The following SLC35F1 variants were observed in gnomAD, a reference collection of about 807,000 sequenced individuals.
SLC35F1 encodes the protein solute carrier family 35 member F1, also known as chromosome 6 open reading frame 169.
Under a neutral mutation model 48.7 loss-of-function variants are expected in SLC35F1, and 14 were observed. The ratio of observed to expected loss-of-function variants is 0.29; its 90% CI spans 0.19 to 0.45. The LOEUF (loss-of-function observed/expected upper bound fraction) is 0.45, where lower values mean the gene tolerates loss of function less well. Ranked by LOEUF, SLC35F1 falls within the 20% of genes least tolerant of loss-of-function variation. SLC35F1 has a pLI of 1.00. For missense variants in SLC35F1, 404 were observed against 500.0 expected, an observed-to-expected ratio of 0.81 and a Z score of 1.83; for synonymous variants, 190 against 202.2, an observed-to-expected ratio of 0.94 and a Z score of 0.51.
intron 1 of SLC35F1, among the ~76,000 whole-genome samples, chr6:118,030,071 G>C (rs1772023009): frequency 6.6e-6 from 1 of 152,190 alleles, no homozygotes; most frequent in South Asian, 2.1e-4. Flanking sequence ...TTGTAAGGCT[G>C]ATCAGCGAGA....
chr6:118,275,423 A>T (rs1205861576), intron 4 of SLC35F1, 36 bp from the exon 5 acceptor site: 5 of 1,580,062 alleles, frequency 3.2e-6, no homozygotes, highest in Admixed American at 3.7e-5. Context: ...AGTTTTAATG[A>T]TGCTCCCTCT....
At chr6:118,177,572 G>A (rs903112771) in intron 2 of SLC35F1, among the ~76,000 whole-genome samples, 2 of 151,988 alleles carry the variant, frequency 1.3e-5, no homozygotes, top group Non-Finnish European at 1.5e-5. Flanking sequence ...ACCTTGGGCG[G>A]GGACTGATCT....
At chr6:117,929,422 T>C (rs890269502) in intron 1 of SLC35F1, among the ~76,000 whole-genome samples, 8 of 151,752 alleles carry the variant, frequency 5.3e-5, no homozygotes, top group Non-Finnish European at 8.8e-5. Context: ...AAGTATAATA[T>C]ATTCACATTT....
intron 1 of SLC35F1, among the ~76,000 whole-genome samples, chr6:118,048,549 A>G (rs1052223033): frequency 1.3e-5 from 2 of 152,214 alleles, no homozygotes; most frequent in Non-Finnish European, 2.9e-5. Flanking sequence ...AAAAATCACA[A>G]GCATTCTTAT....
chr6:118,212,794 A>AAG (rs1562327136), intron 2 of SLC35F1, among the ~76,000 whole-genome samples: 47 of 136,466 alleles, frequency 3.4e-4, no homozygotes, highest in East Asian at 2.3e-4. Flanking sequence ...AAGGAAGGAA[A>AAG]GAAGGAAGGG....
intron 3 of SLC35F1, among the ~76,000 whole-genome samples, chr6:118,251,373 T>G (rs1300993102): frequency 6.6e-6 from 1 of 152,170 alleles, no homozygotes; most frequent in Non-Finnish European, 1.5e-5. Context: ...TCTACCCTTA[T>G]AAATTTTCAA....
chr6:118,024,783 T>G (rs1345309948), intron 1 of SLC35F1, among the ~76,000 whole-genome samples: 1 of 152,200 alleles, frequency 6.6e-6, no homozygotes, highest in Non-Finnish European at 1.5e-5. Flanking sequence ...TTACTTGTAT[T>G]AGAAACTTCA....
chr6:117,970,376 A>C (rs1776623109), intron 1 of SLC35F1, among the ~76,000 whole-genome samples: 1 of 152,216 alleles, frequency 6.6e-6, no homozygotes, highest in Non-Finnish European at 1.5e-5. Context: ...TTAGTGAAAC[A>C]TTTCACCTCC....
intron 2 of SLC35F1, among the ~76,000 whole-genome samples, chr6:118,232,406 G>A (rs190268498): frequency 7.9e-5 from 12 of 152,086 alleles, no homozygotes; most frequent in Non-Finnish European, 1.3e-4. Flanking sequence ...AAATTAGCTG[G>A]GCGTGGTGGT....
chr6:118,248,950 C>T (rs1487921706), intron 3 of SLC35F1, among the ~76,000 whole-genome samples: 1 of 152,106 alleles, frequency 6.6e-6, no homozygotes, highest in East Asian at 1.9e-4. Context: ...GTATTAGTGC[C>T]CTTATAAAAG....
chr6:118,169,510 T>C (rs1443650863), intron 2 of SLC35F1, among the ~76,000 whole-genome samples: 1 of 152,154 alleles, frequency 6.6e-6, no homozygotes, highest in African/African-American at 2.4e-5. Flanking sequence ...TTCATGATGA[T>C]CTATTGAGCT....
intron 1 of SLC35F1, among the ~76,000 whole-genome samples, chr6:118,080,840 A>G (rs1239923063): frequency 1.3e-5 from 2 of 152,212 alleles, no homozygotes; most frequent in African/African-American, 2.4e-5. Flanking sequence ...AGTAAGGCAG[A>G]AAAAGCTGTT....
chr6:118,175,192 T>C (rs956447505), intron 2 of SLC35F1, among the ~76,000 whole-genome samples: 24 of 152,144 alleles, frequency 1.6e-4, no homozygotes, highest in African/African-American at 5.8e-4. Context: ...TATCAAAGTA[T>C]AGAAAGTAAA....
At chr6:118,307,839 T>C (rs117365314) in intron 7 of SLC35F1, among the ~76,000 whole-genome samples, 1 of 152,288 alleles carries the variant, frequency 6.6e-6, no homozygotes, top group Non-Finnish European at 1.5e-5. Flanking sequence ...TACAGCACGC[T>C]CAGCACTAAC....
At chr6:118,230,490 T>C (rs1486981917) in intron 2 of SLC35F1, among the ~76,000 whole-genome samples, 1 of 152,192 alleles carries the variant, frequency 6.6e-6, no homozygotes, top group Non-Finnish European at 1.5e-5. Flanking sequence ...AATAAATGAA[T>C]TAGCTCTCCA....
intron 1 of SLC35F1, among the ~76,000 whole-genome samples, chr6:118,056,729 G>A (rs1028608814): frequency 6.6e-6 from 1 of 152,150 alleles, no homozygotes; most frequent in Non-Finnish European, 1.5e-5. Context: ...AGAAAAATCA[G>A]TTGTCTTTAT....
At chr6:118,162,637 T>C (rs1381057216) in intron 2 of SLC35F1, among the ~76,000 whole-genome samples, 1 of 152,184 alleles carries the variant, frequency 6.6e-6, no homozygotes, top group Non-Finnish European at 1.5e-5. Flanking sequence ...GAGTTTACAA[T>C]ATGCAGCTAT....
chr6:118,104,098 C>T (rs1266683943), intron 1 of SLC35F1, among the ~76,000 whole-genome samples: 1 of 111,924 alleles, frequency 8.9e-6, no homozygotes, highest in Non-Finnish European at 2.0e-5. Context: ...TCTTCCCTCC[C>T]CTTCCCTTCC....
chr6:118,266,281 A>G (rs75660431), intron 3 of SLC35F1, among the ~76,000 whole-genome samples: 6,074 of 152,250 alleles, frequency 0.04, 420 homozygotes, highest in African/African-American at 0.14. Context: ...TTGGACTTAC[A>G]TGTCAGATGG....
Sources: allele counts gnomAD v4.1 joint callset (sites outside exome capture counted in the v4.1 genomes callset), GRCh38; gene constraint gnomAD v4.1.1; transcripts MANE v1.5; gene names NCBI Gene and HGNC (gene_info 2026-07-23, HGNC 2026-07-21).